The following CEP83 variants were observed in gnomAD, a reference collection of about 807,000 sequenced individuals.
The protein encoded by CEP83 is centrosomal protein 83.
Under a neutral mutation model 101.9 loss-of-function variants are expected in CEP83, and 70 were observed. The ratio of observed to expected loss-of-function variants is 0.69; its 90% CI spans 0.57 to 0.84. The LOEUF is 0.84. CEP83 is among the 40% of genes least tolerant of loss of function. The pLI is 0.00. For missense variants in CEP83, 715 were observed against 787.2 expected (o/e 0.91, Z 1.10); for synonymous variants, 264 against 267.9 (o/e 0.99, Z 0.14).
Position 94,346,901 on chromosome 12 carries a change from G to A in CEP83, c.1344-11237C>T, listed in dbSNP as rs114193627. On this transcript the variant is annotated intron_variant, in intron 11 of 16. Transcript: ENST00000397809. ...AAAAATATAAAACTTAGCCAGGCAC[G>A]GTGCCATGCACCTGTAGTCCCAGCT... Among the ~76,000 whole-genome samples, 554 of 152,130 alleles carry A rather than the reference G, an allele frequency of 3.6e-3. 5 individuals carry two copies. The highest frequency in any genetic ancestry group is 0.012 in the African/African-American group (515 of 41,530).
the CEP83 span, among the ~76,000 whole-genome samples, chr12:94,281,048 G>T: frequency 6.6e-6 from 1 of 152,216 alleles, no homozygotes; most frequent in African/African-American, 2.4e-5. Context: ...AGAGGCCAAG[G>T]CTGGTGGATC....
At chr12:94,306,976 G>A (rs1969093159), downstream of CEP83, 1 of 152,232 alleles carries the variant, frequency 6.6e-6, no homozygotes, top group Admixed American at 6.5e-5. Context: ...TCAAAGAGGT[G>A]AAGGAGTTCA....
At chr12:94,415,489 A>G (rs561558598) in intron 2 of CEP83, among the ~76,000 whole-genome samples, 20 of 152,248 alleles carry the variant, frequency 1.3e-4, no homozygotes, top group African/African-American at 4.8e-4. Flanking sequence ...GTACACTGAT[A>G]CAACACTAAA....
chr12:94,424,956 C>A, intron 2 of CEP83: 3 of 1,527,120 alleles, frequency 2.0e-6, no homozygotes, highest in Non-Finnish European at 2.7e-6. Context: ...CTGGAAGTCA[C>A]GGATAGCAGC....
chr12:94,330,267 A>G (rs991329271), intron 14 of CEP83, among the ~76,000 whole-genome samples: 1 of 151,928 alleles, frequency 6.6e-6, no homozygotes, highest in Non-Finnish European at 1.5e-5. Context: ...GGGACTTTAC[A>G]TATAACACGC....
intron 4 of CEP83, among the ~76,000 whole-genome samples, chr12:94,407,435 T>A (rs1399527749): frequency 6.6e-6 from 1 of 152,228 alleles, no homozygotes; most frequent in Non-Finnish European, 1.5e-5. Context: ...TGTAGAGTGA[T>A]GTAGCTGCAC....
At chr12:94,331,886 G>C (rs991792989) in intron 13 of CEP83, 57 bp from the exon 14 acceptor site, 10 of 1,511,130 alleles carry the variant, frequency 6.6e-6, no homozygotes, top group Non-Finnish European at 9.2e-6. Flanking sequence ...GGATTAAATA[G>C]ATATTATCAC....
intron 2 of CEP83, among the ~76,000 whole-genome samples, chr12:94,429,582 G>T (rs2065465895): frequency 6.6e-6 from 1 of 152,130 alleles, no homozygotes; most frequent in African/African-American, 2.4e-5. Context: ...ACCATGCCTG[G>T]TTCCTGATGC....
intron 4 of CEP83, among the ~76,000 whole-genome samples, chr12:94,406,925 T>A (rs1409640592): frequency 2.2e-5 from 3 of 136,668 alleles, no homozygotes; most frequent in African/African-American, 5.7e-5. Context: ...AGACTCTGTC[T>A]CAAAACAAAA....
chr12:94,318,741 C>T (rs1971119716), intron 14 of CEP83, among the ~76,000 whole-genome samples: 1 of 152,104 alleles, frequency 6.6e-6, no homozygotes, highest in South Asian at 2.1e-4. Context: ...TTGAATCAAC[C>T]TTGCATCCCA....
At chr12:94,284,499 A>T in the CEP83 span, among the ~76,000 whole-genome samples, 1 of 152,076 alleles carries the variant, frequency 6.6e-6, no homozygotes, top group African/African-American at 2.4e-5. Context: ...TTTGTTTCAG[A>T]TGTTTTTCAC....
At chr12:94,414,727 G>A (rs1212656431) in intron 2 of CEP83, among the ~76,000 whole-genome samples, 1 of 152,056 alleles carries the variant, frequency 6.6e-6, no homozygotes, top group East Asian at 1.9e-4. Context: ...ATTTACTCTT[G>A]ACTTCTAAAG....
At chr12:94,415,231 T>C (rs1014252370) in intron 2 of CEP83, among the ~76,000 whole-genome samples, 6 of 152,028 alleles carry the variant, frequency 3.9e-5, no homozygotes, top group African/African-American at 1.4e-4. Flanking sequence ...AAAAAACTTA[T>C]GTGGTTGAAA....
intron 11 of CEP83, among the ~76,000 whole-genome samples, chr12:94,336,388 C>A (rs901208049): frequency 6.6e-6 from 1 of 152,174 alleles, no homozygotes; most frequent in Non-Finnish European, 1.5e-5. Flanking sequence ...ACTCTTCAAA[C>A]GCCTATCTCA....
the CEP83 span, chr12:94,298,604 C>T: frequency 6.4e-7 from 1 of 1,557,546 alleles, no homozygotes; most frequent in Non-Finnish European, 8.7e-7. Flanking sequence ...TTTTTAATCT[C>T]CCAAATCTGA....
downstream of CEP83, chr12:94,306,254 T>TCGATTTC (rs1565879854): frequency 2.0e-5 from 3 of 151,994 alleles, no homozygotes; most frequent in African/African-American, 7.2e-5. Flanking sequence ...TTTTACATTT[T>TCGATTTC]ATCGAATTGC....
chr12:94,458,695 G>A (rs533700870), intron 1 of CEP83, among the ~76,000 whole-genome samples: 98 of 152,026 alleles, frequency 6.4e-4, no homozygotes, highest in African/African-American at 1.5e-3. Flanking sequence ...CCGAGATCGC[G>A]CTACTGCACT....
At position 94,393,766 on chromosome 12, in the gene CEP83, T is replaced by C. The variant is rs547352158; in HGVS notation, c.549+7084A>G. 2.0e-5 allele frequency among the ~76,000 whole-genome samples: 3 copies of C among 152,316 alleles called. No homozygotes were observed. In the East Asian group the frequency reaches 5.8e-4, roughly 29 times the overall value. On this transcript the variant is annotated intron_variant, in intron 6 of 16. Coordinates refer to ENST00000397809, the MANE Select transcript of CEP83 (RefSeq NM_016122.3). ...AAATCTCCTTAAGCTGATAAGCAAC[T>C]TCAGCAAAGTCTCAGGATACAAAAT...
At position 94,376,688 on chromosome 12, in the gene CEP83, T is replaced by TACACAC. The variant is rs1225591201; in HGVS notation, c.802-672_802-671insGTGTGT. 4.5e-4 allele frequency among the ~76,000 whole-genome samples: 39 copies of TACACAC among 87,534 alleles called. No homozygotes were observed. The East Asian group carries it at 5.0e-3, about 11-fold the overall frequency. 57.4% of individuals were successfully genotyped at this position (87,534 alleles called of 152,430 possible). Reference sequence around the variant, plus strand: ...CTATTCAACATAATATATATACATATATACACACACACACACACACACACA... The same window carrying TACACAC: ...CTATTCAACATAATATATATACATATACACACATACACACACACACACACACACACA... On this transcript the variant is annotated intron_variant, in intron 7 of 16. Transcript: ENST00000397809.
Sources: allele counts gnomAD v4.1 joint callset (sites outside exome capture counted in the v4.1 genomes callset), GRCh38; gene constraint gnomAD v4.1.1; transcripts MANE v1.5; gene names NCBI Gene and HGNC (gene_info 2026-07-23, HGNC 2026-07-21).